VWC2L: variants seen among roughly 807,000 people sequenced by gnomAD.
The protein encoded by VWC2L is von Willebrand factor C domain containing 2 like, also known as von Willebrand factor C domain-containing protein 2-like.
Under a neutral mutation model 21.6 loss-of-function variants are expected in VWC2L, and 10 were observed. That is an observed-to-expected ratio of 0.46 (90% CI 0.29 to 0.78). VWC2L has a LOEUF of 0.78. Among genes scored for constraint, VWC2L ranks in the 30% least tolerant of loss-of-function variants. The probability of loss-of-function intolerance (pLI) is 0.10; values close to 1 mark genes in which losing one functional copy is unlikely to be tolerated. For synonymous variants in VWC2L, 96 were observed against 94.3 expected (o/e 1.02, Z -0.10); for missense variants, 209 against 277.1 (o/e 0.75, Z 1.74).
chr2:214,503,139 C>G (rs1309541205), intron 3 of VWC2L, among the ~76,000 whole-genome samples: 1 of 152,116 alleles, frequency 6.6e-6, no homozygotes, highest in Non-Finnish European at 1.5e-5. Context: ...AAGCTGCATC[C>G]CCTGAACTCC....
chr2:214,446,887 T>C (rs114620190), intron 3 of VWC2L, among the ~76,000 whole-genome samples: 1 of 152,298 alleles, frequency 6.6e-6, no homozygotes, highest in African/African-American at 2.4e-5. Flanking sequence ...TCATAAACAT[T>C]CATATAATCT....
intron 3 of VWC2L, among the ~76,000 whole-genome samples, chr2:214,444,393 A>T (rs868485032): frequency 6.6e-6 from 1 of 152,056 alleles, no homozygotes; most frequent in Non-Finnish European, 1.5e-5. Flanking sequence ...TTGGGGGGAT[A>T]CATATTTTAC....
intron 2 of VWC2L, among the ~76,000 whole-genome samples, chr2:214,416,297 A>G (rs1702354020): frequency 6.6e-6 from 1 of 152,084 alleles, no homozygotes; most frequent in South Asian, 2.1e-4. Context: ...CATGTCAAAC[A>G]ATATAGAGGT....
intron 2 of VWC2L, among the ~76,000 whole-genome samples, chr2:214,427,930 G>T (rs1003225166): frequency 1.3e-5 from 2 of 152,082 alleles, no homozygotes; most frequent in Non-Finnish European, 2.9e-5. Context: ...CAGTATTTTT[G>T]ATTCACAGTG....
At chr2:214,552,235 G>T (rs1200679982) in intron 3 of VWC2L, among the ~76,000 whole-genome samples, 1 of 152,092 alleles carries the variant, frequency 6.6e-6, no homozygotes, top group Non-Finnish European at 1.5e-5. Context: ...ATAAACACAT[G>T]GCCCTGATCT....
intron 3 of VWC2L, among the ~76,000 whole-genome samples, chr2:214,564,124 T>C (rs1263422138): frequency 1.3e-5 from 2 of 151,828 alleles, no homozygotes; most frequent in Non-Finnish European, 2.9e-5. Context: ...AAGTGAAGGA[T>C]CTCTTGAAGG....
chr2:214,490,043 T>C (rs972678400), intron 3 of VWC2L, among the ~76,000 whole-genome samples: 53 of 152,284 alleles, frequency 3.5e-4, no homozygotes, highest in Non-Finnish European at 5.7e-4. Context: ...ATTGCAGTCA[T>C]CCAGCCAGTC....
At chr2:214,563,604 C>G (rs1326391965) in intron 3 of VWC2L, among the ~76,000 whole-genome samples, 1 of 144,932 alleles carries the variant, frequency 6.9e-6, no homozygotes, top group Non-Finnish European at 1.5e-5. Flanking sequence ...AAATGTGAAG[C>G]CTTATTTCTG....
intron 3 of VWC2L, among the ~76,000 whole-genome samples, chr2:214,459,675 T>C (rs1413634575): frequency 6.6e-6 from 1 of 152,168 alleles, no homozygotes; most frequent in Non-Finnish European, 1.5e-5. Context: ...AATTCGTTCT[T>C]TTTACATGTC....
intron 3 of VWC2L, among the ~76,000 whole-genome samples, chr2:214,441,183 A>T (rs372060146): frequency 1.3e-5 from 2 of 152,298 alleles, no homozygotes; most frequent in East Asian, 1.9e-4. Flanking sequence ...AACAGAGGGG[A>T]TGAGCCATGC....
intron 3 of VWC2L, among the ~76,000 whole-genome samples, chr2:214,548,347 C>T (rs1252662278): frequency 5.3e-5 from 8 of 152,178 alleles, no homozygotes; most frequent in African/African-American, 7.2e-5. Flanking sequence ...CTAGGATCTG[C>T]GTGGGCATTT....
intron 3 of VWC2L, among the ~76,000 whole-genome samples, chr2:214,551,830 C>T (rs1044384031): frequency 6.6e-6 from 1 of 152,204 alleles, no homozygotes; most frequent in African/African-American, 2.4e-5. Context: ...TTTCTCCCAG[C>T]CAAGCTGTCA....
At chr2:214,495,572 A>G (rs1253999020) in intron 3 of VWC2L, among the ~76,000 whole-genome samples, 1 of 152,176 alleles carries the variant, frequency 6.6e-6, no homozygotes, top group Non-Finnish European at 1.5e-5. Flanking sequence ...TGGCAGTGAC[A>G]TCTTTCAGCA....
rs940078036 is a variant in VWC2L, at chr2:214,482,795, T to G, written c.520+46037T>G. ...TAATAATAATAAGGTTTATTTAACA[T>G]CAATTTCAGTCTACTTGATAGCCAG... On this transcript the variant is annotated intron_variant, in intron 3 of 3. Transcript: ENST00000312504. Among the ~76,000 whole-genome samples the G allele has an allele frequency of 2.0e-5, 3 of 152,002 alleles. No homozygotes were observed. The South Asian group carries it at 6.2e-4, about 32-fold the overall frequency.
At chr2:214,433,825 G>T (rs1574562294) in intron 2 of VWC2L, among the ~76,000 whole-genome samples, 2 of 152,260 alleles carry the variant, frequency 1.3e-5, no homozygotes, top group South Asian at 2.1e-4. Context: ...ATGATGAAAG[G>T]AAAGAGGCTT....
intron 3 of VWC2L, among the ~76,000 whole-genome samples, chr2:214,498,951 A>T (rs1314238071): frequency 6.6e-6 from 1 of 151,136 alleles, no homozygotes; most frequent in African/African-American, 2.4e-5. Flanking sequence ...GACCAAGTCA[A>T]CATAGAGGGG....
chr2:214,509,322 A>G (rs1480169097), intron 3 of VWC2L, among the ~76,000 whole-genome samples: 1 of 152,240 alleles, frequency 6.6e-6, no homozygotes, highest in Non-Finnish European at 1.5e-5. Context: ...TTCCTACTTA[A>G]TAAAATTTAG....
intron 3 of VWC2L, chr2:214,525,273 C>T (rs903561733): frequency 2.0e-5 from 3 of 151,920 alleles, no homozygotes; most frequent in Non-Finnish European, 4.4e-5. Flanking sequence ...GGTGAGGGGA[C>T]CAGGAGAAGA....
chr2:214,450,569 C>T (rs940565156), intron 3 of VWC2L, among the ~76,000 whole-genome samples: 1 of 152,118 alleles, frequency 6.6e-6, no homozygotes, highest in African/African-American at 2.4e-5. Flanking sequence ...TTGTGTTAAT[C>T]GTATAACTAG....
Sources: allele counts gnomAD v4.1 joint callset (sites outside exome capture counted in the v4.1 genomes callset), GRCh38; gene constraint gnomAD v4.1.1; transcripts MANE v1.5; gene names NCBI Gene and HGNC (gene_info 2026-07-23, HGNC 2026-07-21).